Variants in PIK3C3 observed in about 807,000 individuals in gnomAD.
PIK3C3 encodes the protein phosphatidylinositol 3-kinase catalytic subunit type 3.
PIK3C3 carries 95 observed loss-of-function variants against 126.1 expected under a neutral mutation model. The ratio of observed to expected loss-of-function variants is 0.75; its 90% confidence interval spans 0.64 to 0.89. PIK3C3 has a LOEUF of 0.89. PIK3C3 is among the 40% of genes least tolerant of loss of function. PIK3C3 has a pLI of 0.00. For missense variants in PIK3C3, 829 were observed against 1,063.2 expected (o/e 0.78, Z 3.06); for synonymous variants, 374 against 360.0 (o/e 1.04, Z -0.44).
intron 11 of PIK3C3, among the ~76,000 whole-genome samples, chr18:42,014,955 T>C (rs1983001957): frequency 6.6e-6 from 1 of 152,192 alleles, no homozygotes; most frequent in African/African-American, 2.4e-5. Flanking sequence ...GCTTATTTAC[T>C]TTCTTCCCTA....
rs571260761 is a variant in PIK3C3 at position 41,974,263 on chromosome 18, T to C, written c.531+3807T>C. Among the ~76,000 whole-genome samples the C allele has an allele frequency of 5.3e-5, 8 of 152,296 alleles. No individual in the cohort carries two copies. The South Asian group carries it at 1.7e-3, about 32-fold the overall frequency. ...ACCCTCTTCTGATTTATTGCTCACCTATTACAGTTGAATTCTAATTACAGT... is the reference window on the plus strand; with the variant it reads ...ACCCTCTTCTGATTTATTGCTCACCCATTACAGTTGAATTCTAATTACAGT... On this transcript the variant is annotated intron_variant, in intron 4 of 24. Coordinates refer to ENST00000262039, the MANE Select transcript of PIK3C3 (RefSeq NM_002647.4).
intron 24 of PIK3C3, among the ~76,000 whole-genome samples, chr18:42,076,332 A>C (rs1170770292): frequency 6.6e-6 from 1 of 151,634 alleles, no homozygotes; most frequent in Admixed American, 6.6e-5. Flanking sequence ...TTAAAATTTT[A>C]CTTGTAAATT....
At chr18:42,031,711 C>T (rs148787851) in intron 15 of PIK3C3, among the ~76,000 whole-genome samples, 70 of 152,296 alleles carry the variant, frequency 4.6e-4, no homozygotes, top group African/African-American at 1.5e-3. Context: ...GCCACTGTGC[C>T]TGGCCATCTT....
At chr18:42,008,239 A>C (rs768948924) in intron 10 of PIK3C3, among the ~76,000 whole-genome samples, 23 of 152,198 alleles carry the variant, frequency 1.5e-4, no homozygotes, top group Admixed American at 3.3e-4. Context: ...CATATTTCCT[A>C]CTGCTGTGTA....
chr18:42,063,836 G>T (rs1034323223), intron 22 of PIK3C3, among the ~76,000 whole-genome samples: 1 of 152,034 alleles, frequency 6.6e-6, no homozygotes, highest in African/African-American at 2.4e-5. Flanking sequence ...AGTGCAAGGC[G>T]CTTGGTTGAC....
chr18:42,081,140 C>G lies in PIK3C3; in HGVS notation c.*3C>G, dbSNP rs1254123479. 2.5e-6 allele frequency: 4 copies of G among 1,571,584 alleles called. No individual in the cohort carries two copies. In the African/African-American group the frequency reaches 5.4e-5, roughly 21 times the overall value. On this transcript the variant is annotated 3_prime_UTR_variant, in exon 25 of 25. Transcript: ENST00000262039. ...TTTTGTAGTACTGGAGAAAATGAAA[C>G]TGGGATTGACCCATCAAGATGCTTG...
intron 9 of PIK3C3, among the ~76,000 whole-genome samples, chr18:42,001,751 G>C (rs1233578675): frequency 6.6e-6 from 1 of 152,114 alleles, no homozygotes; most frequent in East Asian, 1.9e-4. Flanking sequence ...TTCAGTTATT[G>C]AATTGAGTAC....
At chr18:42,038,482 C>G (rs1349940433) in intron 17 of PIK3C3, among the ~76,000 whole-genome samples, 1 of 151,956 alleles carries the variant, frequency 6.6e-6, no homozygotes, top group Non-Finnish European at 1.5e-5. Context: ...GTTGGGACTA[C>G]AGGCATGCAC....
At chr18:42,043,673 A>G in intron 19 of PIK3C3, 60 bp from the exon 20 acceptor site, 3 of 1,127,788 alleles carry the variant, frequency 2.7e-6, no homozygotes. Flanking sequence ...TTATAGTTTC[A>G]AAACACCTAG....
At chr18:42,078,246 G>A (rs1473742365) in intron 24 of PIK3C3, among the ~76,000 whole-genome samples, 22 of 151,304 alleles carry the variant, frequency 1.5e-4, no homozygotes, top group African/African-American at 1.9e-4. Context: ...GTGCGGTGGC[G>A]GGCGCCTGTA....
At chr18:42,012,261 G>A (rs1466637849) in intron 10 of PIK3C3, among the ~76,000 whole-genome samples, 1 of 151,988 alleles carries the variant, frequency 6.6e-6, no homozygotes. Context: ...AGGAAATATG[G>A]GTTGCTGGCA....
intron 10 of PIK3C3, among the ~76,000 whole-genome samples, chr18:42,012,809 G>C (rs1210560338): frequency 2.6e-5 from 4 of 151,990 alleles, no homozygotes; most frequent in Non-Finnish European, 1.5e-5. Context: ...CAAATCTCTT[G>C]GTAGTTGGCA....
At chr18:42,035,038 A>AT (rs1444741575) in intron 16 of PIK3C3, among the ~76,000 whole-genome samples, 1 of 152,162 alleles carries the variant, frequency 6.6e-6, no homozygotes. Context: ...TGTTGCTTTA[A>AT]TTTTTAAATG....
intron 6 of PIK3C3, among the ~76,000 whole-genome samples, chr18:41,990,961 G>A (rs1460205294): frequency 6.6e-6 from 1 of 152,122 alleles, no homozygotes; most frequent in Non-Finnish European, 1.5e-5. Flanking sequence ...TATGTGTAAT[G>A]TCTATATGTG....
In PIK3C3 at chr18:42,087,147, CGAG is replaced by C. The variant is rs765854522; in HGVS notation, c.*6014_*6016del. On this transcript the variant is annotated 3_prime_UTR_variant, in exon 25 of 25. Transcript: ENST00000262039. ...TAGGAGAATTTAGGACACAGACACACGAGGAGTTTAGGAGCAGAGGTTTAATAG... is the reference window on the plus strand; with the variant it reads ...TAGGAGAATTTAGGACACAGACACACGAGTTTAGGAGCAGAGGTTTAATAG... 2.6e-5 allele frequency: 4 copies of C among 152,244 alleles called. No individual in the cohort carries two copies. The highest frequency in any genetic ancestry group is 5.9e-5 in the Non-Finnish European group (4 of 68,064). The allele number at this position is 152,244 out of a possible 1,614,324, so 9.4% of individuals were successfully genotyped here. A position where few individuals can be genotyped will look rare whatever the true frequency, so the allele number is the denominator to read the frequency against.
In PIK3C3 at chr18:42,033,947, C is replaced by T. The variant is rs767616177; in HGVS notation, c.1829C>T (p.Thr610Ile). Residue 610 changes from threonine to isoleucine, a missense_variant, in exon 16 of 25, where the codon ACA (threonine) becomes ATA (isoleucine). This residue lies in a region of PIK3C3 where 256 missense variants were observed against 291.0 expected (regional missense o/e 0.88). Coordinates refer to ENST00000262039, the MANE Select transcript of PIK3C3 (RefSeq NM_002647.4). ...AGAGGAATAATTCCGGAAACAGCTACACTGTTTAAAGTAATTGTGATGGAT... is the reference window on the plus strand; with the variant it reads ...AGAGGAATAATTCCGGAAACAGCTATACTGTTTAAAGTAATTGTGATGGAT... ...KIRGIIPETA[T>I]LFKSALMPAQ... 3 of 1,600,826 alleles carry T rather than the reference C, an allele frequency of 1.9e-6. No individual in the cohort carries two copies. The East Asian group carries it at 6.8e-5, about 36-fold the overall frequency.
intron 6 of PIK3C3, 31 bp downstream of exon 6, chr18:41,990,585 A>G: frequency 8.8e-7 from 1 of 1,139,662 alleles, no homozygotes; most frequent in Non-Finnish European, 1.3e-6. Flanking sequence ...TTTGGTCTCT[A>G]AAGTAGAGGG....
chr18:41,993,775 G>A (rs1981896151), intron 7 of PIK3C3, among the ~76,000 whole-genome samples: 1 of 152,102 alleles, frequency 6.6e-6, no homozygotes, highest in African/African-American at 2.4e-5. Flanking sequence ...GGAAAATAGG[G>A]AAGATTGCTG....
At chr18:42,034,065 C>T (rs1281753736) in intron 16 of PIK3C3, 108 bp downstream of exon 16, 2 of 673,950 alleles carry the variant, frequency 3.0e-6, no homozygotes, top group Middle Eastern at 2.6e-4. Flanking sequence ...ATCTATAATT[C>T]TAGTTGATTT....
Sources: allele counts gnomAD v4.1 joint callset (sites outside exome capture counted in the v4.1 genomes callset), GRCh38; gene constraint gnomAD v4.1.1; regional missense constraint gnomAD v4.1.1; transcripts MANE v1.5; gene names NCBI Gene and HGNC (gene_info 2026-07-23, HGNC 2026-07-21).